The following GRSF1 variants were observed in gnomAD, a reference collection of about 807,000 sequenced individuals.
GRSF1 encodes G-rich RNA sequence binding factor 1.
GRSF1 carries 50 observed loss-of-function variants against 51.1 expected under a neutral mutation model. That is an observed-to-expected ratio of 0.98 (90% CI 0.78 to 1.24). GRSF1 has a LOEUF of 1.24. Ranked by LOEUF, GRSF1 falls within the 50% of genes most tolerant of loss-of-function variation. GRSF1 has a pLI of 0.00. For synonymous variants in GRSF1, 293 were observed against 253.3 expected, an observed-to-expected ratio of 1.16 and a Z score of -1.49; for missense variants, 700 against 639.7, an observed-to-expected ratio of 1.09 and a Z score of -1.02.
upstream of GRSF1, chr4:70,839,949 T>G: frequency 5.8e-5 from 42 of 727,466 alleles, no homozygotes; most frequent in Non-Finnish European, 4.2e-5. Context: ...GGGCACTGGG[T>G]GGGGGGCCTC....
At chr4:70,827,109 G>C (rs1262831770) in intron 6 of GRSF1, among the ~76,000 whole-genome samples, 2 of 152,006 alleles carry the variant, frequency 1.3e-5, no homozygotes, top group Admixed American at 1.3e-4. Context: ...CCAACACGGG[G>C]AAACCCCGTC....
At chr4:70,833,379 G>A in intron 2 of GRSF1, 106 bp from the exon 3 acceptor site, 3 of 913,596 alleles carry the variant, frequency 3.3e-6, no homozygotes, top group East Asian at 2.6e-5. Flanking sequence ...GGAAACAAGT[G>A]TCATATTCCT....
At chr4:70,832,626 A>T (rs750141580) in intron 3 of GRSF1, among the ~76,000 whole-genome samples, 176 bp from the exon 4 acceptor site, 1 of 152,230 alleles carries the variant, frequency 6.6e-6, no homozygotes, top group African/African-American at 2.4e-5. Context: ...CCATGCGGGC[A>T]TAACTTCTTT....
chr4:70,837,181 C>G (rs965600617), intron 1 of GRSF1, among the ~76,000 whole-genome samples: 13 of 152,292 alleles, frequency 8.5e-5, no homozygotes, highest in African/African-American at 2.9e-4. Flanking sequence ...TGTAAAGTCT[C>G]TTTTATCGGA....
chr4:70,836,359 G>A, intron 1 of GRSF1, 45 bp from the exon 2 acceptor site: 5 of 1,267,368 alleles, frequency 3.9e-6, no homozygotes, highest in Non-Finnish European at 5.4e-6. Flanking sequence ...GCATTTACAG[G>A]TAAAAAATGT....
chr4:70,832,621 C>T (rs764856591), intron 3 of GRSF1, among the ~76,000 whole-genome samples, 171 bp from the exon 4 acceptor site: 2 of 152,186 alleles, frequency 1.3e-5, no homozygotes, highest in Non-Finnish European at 2.9e-5. Flanking sequence ...ATTTACCATG[C>T]GGGCATAACT....
chr4:70,842,489 G>A (rs1481340355), upstream of GRSF1, among the ~76,000 whole-genome samples: 3 of 152,126 alleles, frequency 2.0e-5, no homozygotes, highest in African/African-American at 7.2e-5. Context: ...GAGCTGGGGT[G>A]CAGTGGTGGG....
chr4:70,840,915 G>A (rs1343348118), upstream of GRSF1, among the ~76,000 whole-genome samples: 1 of 152,090 alleles, frequency 6.6e-6, no homozygotes, highest in Non-Finnish European at 1.5e-5. Context: ...GTGATACCTT[G>A]GTTATAAAAA....
At position 70,828,105 on chromosome 4, in the gene GRSF1, A is replaced by G; in HGVS notation, c.951-69T>C. ...ACTTTATACTGAACTCATTTAAAAT[A>G]AACATGTATACATTATATTTCCAAC... On this transcript the variant is annotated intron_variant, in intron 5 of 9. Coordinates refer to ENST00000254799, the MANE Select transcript of GRSF1 (RefSeq NM_002092.4). The G allele has an allele frequency of 2.8e-6, 3 of 1,076,590 alleles. No individual in the cohort carries two copies. In the South Asian group the frequency reaches 4.1e-5, roughly 15 times the overall value. 66.7% of individuals were successfully genotyped at this position (1,076,590 alleles called of 1,614,324 possible). A position where few individuals can be genotyped will look rare whatever the true frequency, so the allele number is the denominator to read the frequency against.
At chr4:70,830,047 T>C (rs997315766) in intron 5 of GRSF1, among the ~76,000 whole-genome samples, 1 of 152,214 alleles carries the variant, frequency 6.6e-6, no homozygotes, top group Non-Finnish European at 1.5e-5. Context: ...CATGAGATAC[T>C]GTACAAGACA....
In GRSF1 at chr4:70,818,090, G is replaced by C. The variant is rs983152305; in HGVS notation, c.*2797C>G. ...GTCTCACTCTGTTGCCCAGGCTGGAGTGCAATGGTGTGATCTTGGCTCGCT... is the reference window on the plus strand; with the variant it reads ...GTCTCACTCTGTTGCCCAGGCTGGACTGCAATGGTGTGATCTTGGCTCGCT... On this transcript the variant is annotated 3_prime_UTR_variant, in exon 10 of 10. Transcript: ENST00000254799. 2 of 152,242 alleles carry C rather than the reference G, an allele frequency of 1.3e-5. No individual in the cohort carries two copies. Among genetic ancestry groups the C allele is most frequent in the Non-Finnish European group, 2.9e-5 (2 of 68,104 alleles). The allele number at this position is 152,242 out of a possible 1,614,324, so 9.4% of individuals were successfully genotyped here.
At chr4:70,824,090 C>G (rs1733638159) in intron 9 of GRSF1, among the ~76,000 whole-genome samples, 1 of 148,280 alleles carries the variant, frequency 6.7e-6, no homozygotes, top group African/African-American at 2.5e-5. Flanking sequence ...CCCGCTTCAG[C>G]CTCCTGAGTA....
chr4:70,839,091 C>T, intron 1 of GRSF1: 1 of 1,267,698 alleles, frequency 7.9e-7, no homozygotes, highest in Non-Finnish European at 1.0e-6. Context: ...AACCCTCCGG[C>T]GGGCTCGGGC....
At position 70,838,052 on chromosome 4, in the gene GRSF1, T is replaced by C. The variant is rs1342281034; in HGVS notation, c.357+1419A>G. Among the ~76,000 whole-genome samples the C allele has an allele frequency of 1.3e-5, 2 of 151,480 alleles. 1 individual carries two copies. Among genetic ancestry groups the C allele is most frequent in the Non-Finnish European group, 2.9e-5 (2 of 67,826 alleles). On this transcript the variant is annotated intron_variant, in intron 1 of 9. Coordinates refer to ENST00000254799, the MANE Select transcript of GRSF1 (RefSeq NM_002092.4). ...CGAGACCACGGTGAAACCCCGTCTC[T>C]ACTAAAAATACAAAAAATTAGCTGG...
chr4:70,839,697 G>A lies in GRSF1; in HGVS notation c.131C>T (p.Ser44Leu), dbSNP rs539721946. ...SAAGSIPSGV[S>L]GRRRLLLLLG... ...CAGCAGCAGCAGGCGGCGGCGGCCC[G>A]AGACGCCCGACGGGATAGAGCCAGC... Residue 44 changes from serine (S) to leucine (L), a missense_variant, in exon 1 of 10, where the codon TCG becomes TTG. By Grantham distance (145) the Ser-to-Leu change is moderately radical. Coordinates refer to ENST00000254799, the MANE Select transcript of GRSF1 (RefSeq NM_002092.4). 3 of 1,458,248 alleles carry A rather than the reference G, an allele frequency of 2.1e-6. No individual in the cohort carries two copies. Among genetic ancestry groups the A allele is most frequent in the Non-Finnish European group, 2.7e-6 (3 of 1,116,386 alleles). 90.3% of individuals were successfully genotyped at this position (1,458,248 alleles called of 1,614,324 possible).
intron 5 of GRSF1, among the ~76,000 whole-genome samples, chr4:70,830,635 A>G (rs1733925241): frequency 6.6e-6 from 1 of 151,996 alleles, no homozygotes; most frequent in Admixed American, 6.6e-5. Context: ...CCTGGCCAAC[A>G]TGGTAAAACC....
Position 70,827,950 on chromosome 4 carries a change from G to C in GRSF1, c.1037C>G (p.Thr346Ser). The C allele has an allele frequency of 1.9e-6, 3 of 1,611,114 alleles. No homozygotes were observed. The South Asian group carries it at 3.3e-5, about 18-fold the overall frequency. The change falls in exon 6 of 10, where the codon ACT becomes AGT. Residue 346 changes from threonine to serine, a missense_variant. Thr to Ser is a moderately conservative substitution (Grantham distance 58). Coordinates refer to ENST00000254799, the MANE Select transcript of GRSF1 (RefSeq NM_002092.4). ...YKGKKIASFP[T>S]AKYITEPEMV... ...TTCTGGCTCAGTTATATACTTAGCA[G>C]TAGGAAAAGATGCGATTTTCTTTCC...
At chr4:70,828,337 A>G (rs529979633) in intron 5 of GRSF1, among the ~76,000 whole-genome samples, 16 of 152,348 alleles carry the variant, frequency 1.1e-4, no homozygotes, top group African/African-American at 3.8e-4. Context: ...AATTGTGTAT[A>G]CAGAAAAAAT....
At position 70,816,447 on chromosome 4, in the gene GRSF1, G is replaced by C. The variant is rs1318503176; in HGVS notation, c.*4440C>G. On this transcript the variant is annotated 3_prime_UTR_variant, in exon 10 of 10. Transcript: ENST00000254799. Reference sequence around the variant, plus strand: ...CTCAAAAAAACTCCAATGACGGCTGGGTGTGGTGGCTGATGCCTGTAATCC... The same window carrying C: ...CTCAAAAAAACTCCAATGACGGCTGCGTGTGGTGGCTGATGCCTGTAATCC... The C allele has an allele frequency of 6.6e-6, 1 of 152,162 alleles. No homozygotes were observed. Among genetic ancestry groups the C allele is most frequent in the East Asian group, 1.9e-4 (1 of 5,202 alleles). The allele number at this position is 152,162 out of a possible 1,614,324, so 9.4% of individuals were successfully genotyped here. A position where few individuals can be genotyped will look rare whatever the true frequency, so the allele number is the denominator to read the frequency against.
Sources: gnomAD v4.1 joint callset for allele counts (sites outside exome capture counted in the v4.1 genomes callset) on GRCh38, gnomAD v4.1.1 for gene constraint, MANE v1.5 for transcripts, NCBI Gene and HGNC (gene_info 2026-07-23, HGNC 2026-07-21) for gene names.